Variants in HSD11B1 observed in about 807,000 individuals in gnomAD.
HSD11B1 encodes 11-beta-hydroxysteroid dehydrogenase 1.
HSD11B1 carries 15 observed loss-of-function variants against 22.1 expected under a neutral mutation model. That is an observed-to-expected ratio of 0.68 (90% CI 0.45 to 1.04). HSD11B1 has a LOEUF of 1.04. Ranked by LOEUF, HSD11B1 falls within the 50% of genes least tolerant of loss-of-function variation. The pLI is 0.00. For synonymous variants in HSD11B1, 122 were observed against 125.2 expected, an observed-to-expected ratio of 0.97 and a Z score of 0.17; for missense variants, 281 against 357.6, an observed-to-expected ratio of 0.79 and a Z score of 1.73.
intron 5 of HSD11B1, among the ~76,000 whole-genome samples, chr1:209,733,285 C>A (rs1485605007): frequency 6.6e-6 from 1 of 152,114 alleles, no homozygotes; most frequent in Non-Finnish European, 1.5e-5. Context: ...AAATACATGA[C>A]CCCACTCCAA....
At chr1:209,716,457 T>C (rs10863783) in intron 4 of HSD11B1, among the ~76,000 whole-genome samples, 29,678 of 151,864 alleles carry the variant, frequency 0.2, 2,947 homozygotes, top group East Asian at 0.22. Flanking sequence ...TATCCCATGC[T>C]CATGGATTAG....
intron 4 of HSD11B1, among the ~76,000 whole-genome samples, chr1:209,724,288 T>C (rs1178332758): frequency 6.6e-6 from 1 of 152,216 alleles, no homozygotes; most frequent in East Asian, 1.9e-4. Context: ...TGAGGTCTCT[T>C]TGAAGTCACT....
intron 4 of HSD11B1, among the ~76,000 whole-genome samples, chr1:209,710,860 T>C (rs1174459872): frequency 6.6e-6 from 1 of 152,228 alleles, no homozygotes; most frequent in Non-Finnish European, 1.5e-5. Context: ...AAGTAAATCT[T>C]CTTAAAAAAT....
intron 1 of HSD11B1, among the ~76,000 whole-genome samples, chr1:209,695,776 C>T (rs7528902): frequency 0.93 from 140,879 of 152,202 alleles, 65,517 homozygotes; most frequent in Middle Eastern, 0.98. Context: ...CACTGCACTC[C>T]AGCCTGGCCA....
At chr1:209,725,193 C>T (rs2076993525) in intron 4 of HSD11B1, among the ~76,000 whole-genome samples, 2 of 152,174 alleles carry the variant, frequency 1.3e-5, no homozygotes, top group South Asian at 4.1e-4. Context: ...ATACCACCAT[C>T]AAAAATCCAA....
chr1:209,732,006 C>T (rs2077038638), intron 4 of HSD11B1, among the ~76,000 whole-genome samples: 1 of 152,188 alleles, frequency 6.6e-6, no homozygotes, highest in African/African-American at 2.4e-5. Context: ...CACACCTGGC[C>T]AGGACAGGCA....
chr1:209,699,162 A>G (rs926848095), intron 1 of HSD11B1, among the ~76,000 whole-genome samples: 29 of 151,340 alleles, frequency 1.9e-4, no homozygotes, highest in Admixed American at 1.9e-3. Context: ...ATGAAATGAT[A>G]GTTCTTTCTA....
chr1:209,690,627 G>T (rs1213709246), intron 1 of HSD11B1, among the ~76,000 whole-genome samples: 1 of 152,106 alleles, frequency 6.6e-6, no homozygotes, highest in African/African-American at 2.4e-5. Context: ...AACCCGGAAG[G>T]CAGAGGTTGC....
intron 1 of HSD11B1, among the ~76,000 whole-genome samples, chr1:209,699,545 G>T (rs1490196393): frequency 6.6e-6 from 1 of 152,050 alleles, no homozygotes; most frequent in Non-Finnish European, 1.5e-5. Context: ...TGGGAATTCT[G>T]GGAGACACAA....
intron 4 of HSD11B1, among the ~76,000 whole-genome samples, chr1:209,709,973 C>A (rs1001609311): frequency 2.0e-5 from 3 of 147,916 alleles, no homozygotes; most frequent in Non-Finnish European, 4.5e-5. Flanking sequence ...CACACACACA[C>A]AAAAGACTCA....
At chr1:209,716,174 A>G (rs1401369090) in intron 4 of HSD11B1, among the ~76,000 whole-genome samples, 1 of 152,204 alleles carries the variant, frequency 6.6e-6, no homozygotes, top group Non-Finnish European at 1.5e-5. Context: ...TGATTTTATA[A>G]TCAGAAAAGC....
At chr1:209,718,317 A>G (rs912948063) in intron 4 of HSD11B1, among the ~76,000 whole-genome samples, 1 of 152,220 alleles carries the variant, frequency 6.6e-6, no homozygotes, top group African/African-American at 2.4e-5. Context: ...TACATATTCT[A>G]TGGATGTAAC....
upstream of HSD11B1, among the ~76,000 whole-genome samples, chr1:209,704,233 A>T (rs2076842238): frequency 6.6e-6 from 1 of 152,102 alleles, no homozygotes; most frequent in South Asian, 2.1e-4. Flanking sequence ...GATCCATTGC[A>T]CTTGCCTTAG....
intron 1 of HSD11B1, among the ~76,000 whole-genome samples, chr1:209,690,449 C>A (rs1406724664): frequency 6.6e-6 from 1 of 152,094 alleles, no homozygotes; most frequent in East Asian, 1.9e-4. Flanking sequence ...GTAATCCCAG[C>A]AATTTGGGAG....
At chr1:209,713,622 GA>G (rs1438256191) in intron 4 of HSD11B1, among the ~76,000 whole-genome samples, 2 of 152,112 alleles carry the variant, frequency 1.3e-5, no homozygotes, top group Non-Finnish European at 2.9e-5. Context: ...AAAATCCATG[GA>G]TGCTCAAGTC....
chr1:209,688,961 C>T (rs571449568), intron 1 of HSD11B1, among the ~76,000 whole-genome samples: 1 of 152,234 alleles, frequency 6.6e-6, no homozygotes, highest in Admixed American at 6.5e-5. Flanking sequence ...TGATGGGAAG[C>T]CTCAGGAGTT....
chr1:209,699,269 T>C (rs537056988), intron 1 of HSD11B1, among the ~76,000 whole-genome samples: 1 of 152,190 alleles, frequency 6.6e-6, no homozygotes, highest in East Asian at 1.9e-4. Flanking sequence ...TGCGTTATTG[T>C]ATTAGTTCAT....
At chr1:209,689,560 A>G (rs1448336711) in intron 1 of HSD11B1, among the ~76,000 whole-genome samples, 1 of 152,160 alleles carries the variant, frequency 6.6e-6, no homozygotes, top group African/African-American at 2.4e-5. Context: ...CGTGGGGGTG[A>G]ATCCCTCATG....
chr1:209,698,842 C>T (rs962124450), intron 1 of HSD11B1, among the ~76,000 whole-genome samples: 1 of 152,188 alleles, frequency 6.6e-6, no homozygotes, highest in Non-Finnish European at 1.5e-5. Context: ...TCGTGAGGGT[C>T]TCTTCTTTCC....
Sources: allele counts gnomAD v4.1 joint callset (sites outside exome capture counted in the v4.1 genomes callset), GRCh38; gene constraint gnomAD v4.1.1; transcripts MANE v1.5; gene names NCBI Gene and HGNC (gene_info 2026-07-23, HGNC 2026-07-21).